Variants in PPFIA2 observed in about 807,000 individuals in gnomAD.
PPFIA2 encodes liprin-alpha-2.
In PPFIA2, 46 loss-of-function variants were observed where a neutral mutation model predicts 175.5. The observed-to-expected ratio is 0.26, with a 90% confidence interval of 0.21 to 0.34. PPFIA2 has a LOEUF of 0.34. Ranked by LOEUF, PPFIA2 falls within the 10% of genes least tolerant of loss-of-function variation. The pLI, the probability that PPFIA2 is intolerant of heterozygous loss-of-function variation, is 1.00. For missense variants in PPFIA2, 1,179 were observed against 1,506.1 expected (o/e 0.78, Z 3.60); for synonymous variants, 568 against 511.4 (o/e 1.11, Z -1.49).
intron 26 of PPFIA2, 115 bp downstream of exon 26, chr12:81,282,895 C>T: frequency 1.2e-6 from 1 of 825,674 alleles, no homozygotes; most frequent in Non-Finnish European, 2.0e-6. Flanking sequence ...ACACATCAGC[C>T]TAATATTGAG....
intron 3 of PPFIA2, among the ~76,000 whole-genome samples, chr12:81,705,115 C>T (rs1489053585): frequency 9.7e-6 from 1 of 102,924 alleles, no homozygotes; most frequent in Non-Finnish European, 2.2e-5. Flanking sequence ...AAAAAAAGAA[C>T]CCATCTTCTG....
At chr12:81,294,755 G>A (rs749318525) in intron 24 of PPFIA2, 80 bp downstream of exon 24, 244 of 1,315,984 alleles carry the variant, frequency 1.9e-4, no homozygotes, top group Non-Finnish European at 2.0e-4. Context: ...AATGTGTGCT[G>A]TCACAATTTT....
At chr12:81,588,349 A>G (rs941690785) in intron 4 of PPFIA2, among the ~76,000 whole-genome samples, 1 of 151,994 alleles carries the variant, frequency 6.6e-6, no homozygotes, top group African/African-American at 2.4e-5. Flanking sequence ...AAGCACACAC[A>G]CTCAAAATAA....
chr12:81,613,564 C>T (rs1394127253), intron 4 of PPFIA2, among the ~76,000 whole-genome samples: 4 of 152,118 alleles, frequency 2.6e-5, no homozygotes, highest in Non-Finnish European at 4.4e-5. Context: ...TTCTATGATA[C>T]ACTGTGCAGT....
intron 30 of PPFIA2, among the ~76,000 whole-genome samples, chr12:81,265,947 G>A (rs2037129471): frequency 6.6e-6 from 1 of 152,144 alleles, no homozygotes; most frequent in Non-Finnish European, 1.5e-5. Context: ...CAACTTATAA[G>A]ACGAGGCTTT....
At chr12:81,318,779 C>A (rs1196527360) in intron 22 of PPFIA2, among the ~76,000 whole-genome samples, 1 of 151,654 alleles carries the variant, frequency 6.6e-6, no homozygotes, top group Non-Finnish European at 1.5e-5. Flanking sequence ...TTTTCTCATT[C>A]TCCACAAAGA....
intron 22 of PPFIA2, among the ~76,000 whole-genome samples, chr12:81,316,829 T>A (rs970377836): frequency 6.6e-6 from 1 of 151,616 alleles, no homozygotes; most frequent in Non-Finnish European, 1.5e-5. Context: ...AAAAGTTATA[T>A]AGGATATTCT....
At chr12:81,645,329 C>A (rs2065915360) in intron 4 of PPFIA2, among the ~76,000 whole-genome samples, 1 of 152,096 alleles carries the variant, frequency 6.6e-6, no homozygotes, top group Non-Finnish European at 1.5e-5. Context: ...TCCTTCAAGA[C>A]TCATACAGTT....
chr12:81,504,529 C>T (rs1231376811), intron 4 of PPFIA2, among the ~76,000 whole-genome samples: 1 of 152,142 alleles, frequency 6.6e-6, no homozygotes, highest in South Asian at 2.1e-4. Context: ...AATAGGAATG[C>T]TTTTACACTG....
chr12:81,406,441 T>A (rs1400868077), intron 7 of PPFIA2, among the ~76,000 whole-genome samples: 1 of 152,124 alleles, frequency 6.6e-6, no homozygotes, highest in Non-Finnish European at 1.5e-5. Context: ...ATTAAATTTG[T>A]TTTATTATTA....
intron 4 of PPFIA2, among the ~76,000 whole-genome samples, chr12:81,542,873 T>C (rs1181125587): frequency 6.6e-6 from 1 of 152,068 alleles, no homozygotes; most frequent in Non-Finnish European, 1.5e-5. Flanking sequence ...TAGGGCATGA[T>C]GGTTCAAGCT....
chr12:81,339,623 C>A (rs1428421355), intron 20 of PPFIA2, among the ~76,000 whole-genome samples: 1 of 151,874 alleles, frequency 6.6e-6, no homozygotes, highest in Non-Finnish European at 1.5e-5. Context: ...GAGTTATTAA[C>A]TGCATGATAA....
At chr12:81,688,802 A>AATATATATATATATATATATATATATAT (rs3075480) in intron 3 of PPFIA2, among the ~76,000 whole-genome samples, 2 of 140,770 alleles carry the variant, frequency 1.4e-5, no homozygotes, top group South Asian at 2.3e-4. Context: ...TGGTTTATTA[A>AATATATATATATATATATATATATATAT]ATATATATAT....
At chr12:81,560,687 G>GT (rs1455911945) in intron 4 of PPFIA2, among the ~76,000 whole-genome samples, 1 of 152,008 alleles carries the variant, frequency 6.6e-6, no homozygotes, top group Non-Finnish European at 1.5e-5. Context: ...TCAACATCAT[G>GT]TAACCCTAGA....
chr12:81,452,226 T>A (rs1340804958), intron 5 of PPFIA2, among the ~76,000 whole-genome samples: 2 of 152,180 alleles, frequency 1.3e-5, no homozygotes, highest in South Asian at 4.1e-4. Context: ...TTTACTATGA[T>A]TCTGTAAGGA....
At chr12:81,713,282 A>T (rs2078189288) in intron 3 of PPFIA2, among the ~76,000 whole-genome samples, 1 of 151,010 alleles carries the variant, frequency 6.6e-6, no homozygotes, top group Non-Finnish European at 1.5e-5. Context: ...CATATGAGAA[A>T]ATTGACACAC....
chr12:81,319,151 C>T (rs531907905), intron 22 of PPFIA2, among the ~76,000 whole-genome samples: 4 of 151,948 alleles, frequency 2.6e-5, no homozygotes, highest in African/African-American at 9.6e-5. Context: ...TTCTGTTCTA[C>T]TCACTTTGTT....
chr12:81,303,979 T>C (rs1166286938), intron 22 of PPFIA2, among the ~76,000 whole-genome samples: 1 of 152,186 alleles, frequency 6.6e-6, no homozygotes, highest in Non-Finnish European at 1.5e-5. Flanking sequence ...GCGATTGTTG[T>C]TGTGGTCTAA....
chr12:81,369,645 C>T (rs892340815), intron 11 of PPFIA2, among the ~76,000 whole-genome samples: 1 of 151,712 alleles, frequency 6.6e-6, no homozygotes, highest in African/African-American at 2.4e-5. Flanking sequence ...GAGATCATTT[C>T]TTGTAGTTTA....
Sources: gnomAD v4.1 joint callset for allele counts (sites outside exome capture counted in the v4.1 genomes callset) on GRCh38, gnomAD v4.1.1 for gene constraint, MANE v1.5 for transcripts, NCBI Gene and HGNC (gene_info 2026-07-23, HGNC 2026-07-21) for gene names.